The following TRMO variants were observed in gnomAD, a reference collection of about 807,000 sequenced individuals.
The protein encoded by TRMO is tRNA (adenine(37)-N6)-methyltransferase.
TRMO carries 30 observed loss-of-function variants against 37.2 expected under a neutral mutation model. The ratio of observed to expected loss-of-function variants is 0.81; its 90% confidence interval spans 0.60 to 1.09. The LOEUF (loss-of-function observed/expected upper bound fraction) is 1.09. Ranked by LOEUF, TRMO falls within the 50% of genes least tolerant of loss-of-function variation. TRMO has a pLI of 0.00. For missense variants in TRMO, 552 were observed against 549.5 expected (o/e 1.00, Z -0.05); for synonymous variants, 239 against 199.4 (o/e 1.20, Z -1.67).
At chr9:97,912,702 A>T (rs1826178549) in intron 3 of TRMO, 2 of 326,504 alleles carry the variant, frequency 6.1e-6, no homozygotes, top group South Asian at 2.3e-5. Context: ...CCCACTTCAC[A>T]ACCAGCAGGC....
intron 4 of TRMO, among the ~76,000 whole-genome samples, chr9:97,908,376 C>CTCCAG (rs1259922775): frequency 4.1e-5 from 6 of 147,536 alleles, no homozygotes; most frequent in African/African-American, 1.5e-4. Flanking sequence ...CGAGCCATTG[C>CTCCAG]ACTCCAGCCT....
At chr9:97,899,910 G>A (rs537568378), downstream of TRMO, among the ~76,000 whole-genome samples, 18 of 151,732 alleles carry the variant, frequency 1.2e-4, no homozygotes, top group African/African-American at 4.4e-4. Context: ...AAGAAAGAAA[G>A]AAAAAATAAT....
At chr9:97,914,600 TAAC>T (rs760454851) in intron 2 of TRMO, among the ~76,000 whole-genome samples, 3 of 152,070 alleles carry the variant, frequency 2.0e-5, no homozygotes, top group African/African-American at 4.8e-5. Context: ...ACAGTTATTA[TAAC>T]AACAACATAG....
chr9:97,915,672 AC>A (rs1826322607), intron 2 of TRMO: 1 of 152,292 alleles, frequency 6.6e-6, no homozygotes, highest in Admixed American at 6.5e-5. Flanking sequence ...CAAATACAGT[AC>A]AAAATTCCAT....
At position 97,910,188 on chromosome 9, in the gene TRMO, A is replaced by G; in HGVS notation, c.838T>C (p.Phe280Leu). 2 of 1,614,100 alleles carry G rather than the reference A, an allele frequency of 1.2e-6. No individual in the cohort carries two copies. The highest frequency in any genetic ancestry group is 1.7e-6 in the Non-Finnish European group (2 of 1,180,012). The change falls in exon 4 of 5, where the codon TTT (phenylalanine) becomes CTT (leucine). Residue 280 changes from phenylalanine to leucine, a missense_variant. Phe to Leu is a conservative substitution (Grantham distance 22). Transcript: ENST00000375119. Reference protein sequence around the residue: ...QIGPYCPEKSFSEKGTDKKLE... With the variant: ...QIGPYCPEKSLSEKGTDKKLE... Reference sequence around the variant, plus strand: ...TTCTTGTCTGTACCTTTCTCTGAAAAGCTCTTCTCTGGGCAATATGGGCCA... The same window carrying G: ...TTCTTGTCTGTACCTTTCTCTGAAAGGCTCTTCTCTGGGCAATATGGGCCA...
chr9:97,913,159 T>C, intron 3 of TRMO: 1 of 495,572 alleles, frequency 2.0e-6, no homozygotes, highest in Non-Finnish European at 3.7e-6. Context: ...TATTTCTAAA[T>C]AATTTAATAG....
rs773434550 is a variant in TRMO, at chr9:97,916,175, A to G, written c.240T>C (p.Phe80=). The G allele has an allele frequency of 6.9e-6, 11 of 1,587,066 alleles. No individual in the cohort carries two copies. The highest frequency in any genetic ancestry group is 9.4e-6 in the Non-Finnish European group (11 of 1,169,222). Residue 80 remains phenylalanine (F), a synonymous_variant, in exon 2 of 5, where the codon TTT becomes TTC. Transcript: ENST00000375119. ...ATAAAGCAACTTACCAAACATGAGA[A>G]AACTGTTCTAGGCCCATCAAGGAAT... ...PEHSLMGLEQ[F]SHVWILFVFH...
Position 97,907,165 on chromosome 9 carries a change from C to T in TRMO, c.1067-2173G>A, listed in dbSNP as rs112471865. ...CAAGTGGCATCACCACTCATGACCA[C>T]GAGACTGCCGTGTCCAGAAGTGCAG... On this transcript the variant is annotated intron_variant, in intron 4 of 4. Transcript: ENST00000375119. Among the ~76,000 whole-genome samples, 996 of 152,354 alleles carry T rather than the reference C, an allele frequency of 6.5e-3. 9 individuals carry two copies. The highest frequency in any genetic ancestry group is 0.011 in the Admixed American group (167 of 15,304).
intron 4 of TRMO, among the ~76,000 whole-genome samples, chr9:97,905,376 T>C (rs901600653): frequency 6.6e-6 from 1 of 152,136 alleles, no homozygotes; most frequent in Non-Finnish European, 1.5e-5. Context: ...AGGAAATGCA[T>C]GACAGTCCCA....
Position 97,904,551 on chromosome 9 carries a change from T to G in TRMO, c.*182A>C. On this transcript the variant is annotated 3_prime_UTR_variant, in exon 5 of 5. Coordinates refer to ENST00000375119, the MANE Select transcript of TRMO (RefSeq NM_016481.5). ...CATTTGGTGATTTCTCTGTATTTTA[T>G]ATCTCTTTGTTAAGTTTATTAATGT... 7.1e-7 allele frequency: 1 copy of G among 1,417,748 alleles called. No individual in the cohort carries two copies. Among genetic ancestry groups the G allele is most frequent in the South Asian group, 1.7e-5 (1 of 60,294 alleles). The allele number at this position is 1,417,748 out of a possible 1,614,324, so 87.8% of individuals were successfully genotyped here.
rs142894664 is a variant in TRMO at position 97,915,025 on chromosome 9, T to C, written c.251+1139A>G. On this transcript the variant is annotated intron_variant, in intron 2 of 4. Coordinates refer to ENST00000375119, the MANE Select transcript of TRMO (RefSeq NM_016481.5). ...TCATAATACAAACTAGGTCAGAACA[T>C]ACATTTTCTTTCTAATCTACTCTTG... Among the ~76,000 whole-genome samples the C allele has an allele frequency of 3.7e-3, 570 of 152,336 alleles. 1 individual carries two copies. The highest frequency in any genetic ancestry group is 0.013 in the African/African-American group (541 of 41,578).
chr9:97,904,814 T>C lies in TRMO; in HGVS notation c.1245A>G (p.Ala415=). The change falls in exon 5 of 5, where the codon GCA becomes GCG. Residue 415 remains alanine (A), a synonymous_variant. Coordinates refer to ENST00000375119, the MANE Select transcript of TRMO (RefSeq NM_016481.5). ...AAGCCGGCTTGATCCTCAGCACCTCTGCAAAGCCATCACCAAACCAGCAAG... is the reference window on the plus strand; with the variant it reads ...AAGCCGGCTTGATCCTCAGCACCTCCGCAAAGCCATCACCAAACCAGCAAG... ...HVTCWFGDGF[A]EVLRIKPASE... The C allele has an allele frequency of 6.2e-7, 1 of 1,614,168 alleles. No homozygotes were observed. Among genetic ancestry groups the C allele is most frequent in the Non-Finnish European group, 8.5e-7 (1 of 1,180,022 alleles).
chr9:97,899,081 G>A, the TRMO span, among the ~76,000 whole-genome samples: 14 of 151,780 alleles, frequency 9.2e-5, no homozygotes, highest in African/African-American at 1.2e-4. Flanking sequence ...CTCGTGATCC[G>A]CCCGCCTCGG....
At chr9:97,919,751 A>T (rs1187183594) in intron 1 of TRMO, among the ~76,000 whole-genome samples, 1 of 152,224 alleles carries the variant, frequency 6.6e-6, no homozygotes, top group African/African-American at 2.4e-5. Context: ...GATATGATAA[A>T]TATAAGTGGC....
intron 1 of TRMO, among the ~76,000 whole-genome samples, chr9:97,917,500 A>T (rs916348280): frequency 2.0e-5 from 3 of 152,188 alleles, no homozygotes. Context: ...TGTTGCATAG[A>T]AGAAAAGATC....
intron 1 of TRMO, among the ~76,000 whole-genome samples, chr9:97,917,219 G>A (rs936017956): frequency 2.6e-5 from 4 of 152,184 alleles, no homozygotes; most frequent in Non-Finnish European, 5.9e-5. Context: ...AATGAAAGAT[G>A]AGGAAACACT....
chr9:97,922,436 TA>T lies in TRMO; in HGVS notation c.57del (p.Lys20SerfsTer10). ...PRPTATPCGC[V>X]KPALETGNLL... is the part of the protein sequence containing the mutation. ...AAGTTACCTGTCTCCAGAGCCGGCT[TA>T]ACGCAGCCGCACGGGGTCGCTGTAG... On this transcript the variant is annotated frameshift_variant, in exon 1 of 5. Coordinates refer to ENST00000375119, the MANE Select transcript of TRMO (RefSeq NM_016481.5). LOFTEE classifies it high-confidence loss of function. 1 of 1,586,738 alleles carries T rather than the reference TA, an allele frequency of 6.3e-7. No homozygotes were observed. Among genetic ancestry groups the T allele is most frequent in the South Asian group, 1.1e-5 (1 of 87,200 alleles).
At chr9:97,911,381 A>T (rs567065456) in intron 3 of TRMO, 1 of 153,010 alleles carries the variant, frequency 6.5e-6, no homozygotes, top group South Asian at 2.0e-4. Context: ...CCTCCAGCCA[A>T]CAACCAGCAA....
intron 1 of TRMO, among the ~76,000 whole-genome samples, chr9:97,921,494 G>A (rs1554719381): frequency 1.3e-5 from 2 of 151,762 alleles, no homozygotes; most frequent in Non-Finnish European, 2.9e-5. Flanking sequence ...CGCGATCTCG[G>A]CTCACTGCAA....
Sources: allele counts gnomAD v4.1 joint callset (sites outside exome capture counted in the v4.1 genomes callset), GRCh38; gene constraint gnomAD v4.1.1; transcripts MANE v1.5; gene names NCBI Gene and HGNC (gene_info 2026-07-23, HGNC 2026-07-21).